The following C2orf76 variants were observed in gnomAD, a reference collection of about 807,000 sequenced individuals.
C2orf76 encodes the protein UPF0538 protein C2orf76.
Under a neutral mutation model 16.9 loss-of-function variants are expected in C2orf76, and 23 were observed. That is an observed-to-expected ratio of 1.36 (90% CI 0.98 to 1.93). The LOEUF is 1.93. Among genes scored for constraint, C2orf76 ranks in the 30% most tolerant of loss-of-function variants. The probability of loss-of-function intolerance (pLI) is 0.00; values close to 1 mark genes in which losing one functional copy is unlikely to be tolerated. For synonymous variants in C2orf76, 48 were observed against 52.3 expected, an observed-to-expected ratio of 0.92 and a Z score of 0.35; for missense variants, 152 against 152.6, an observed-to-expected ratio of 1.00 and a Z score of 0.02.
intron 4 of C2orf76, among the ~76,000 whole-genome samples, chr2:119,312,635 T>C (rs572152246): frequency 6.6e-6 from 1 of 152,186 alleles, no homozygotes; most frequent in African/African-American, 2.4e-5. Context: ...TCACATTAAT[T>C]GGAATATTTC....
chr2:119,350,910 G>A lies in C2orf76; in HGVS notation c.-12-10939C>T, dbSNP rs567832598. ...ACCACACATAAAAGCTCAGAGCCGAGCATCCAGATAAGCACAAAACACCCA... is the reference window on the plus strand; with the variant it reads ...ACCACACATAAAAGCTCAGAGCCGAACATCCAGATAAGCACAAAACACCCA... On this transcript the variant is annotated intron_variant, in intron 1 of 5. Transcript: ENST00000334816. Among the ~76,000 whole-genome samples, 53 of 152,248 alleles carry A rather than the reference G, an allele frequency of 3.5e-4. No individual in the cohort carries two copies. In the South Asian group the frequency reaches 7.1e-3, roughly 20 times the overall value.
chr2:119,315,181 T>TAC (rs1679127189), intron 4 of C2orf76, among the ~76,000 whole-genome samples: 1 of 151,656 alleles, frequency 6.6e-6, no homozygotes, highest in Admixed American at 6.6e-5. Context: ...CCATCCATAA[T>TAC]ACACACACAC....
rs529174683 is a variant in C2orf76, at chr2:119,324,519, C to T, written c.134-3315G>A. On this transcript the variant is annotated intron_variant, in intron 2 of 5. Coordinates refer to ENST00000334816, the MANE Select transcript of C2orf76 (RefSeq NM_001322331.2). Reference sequence around the variant, plus strand: ...CATAACAAATTATCACAAACTGCTTCCATGAGGGCAGGGACCACAGCCTGT... The same window carrying T: ...CATAACAAATTATCACAAACTGCTTTCATGAGGGCAGGGACCACAGCCTGT... Among the ~76,000 whole-genome samples, 9 of 152,316 alleles carry T rather than the reference C, an allele frequency of 5.9e-5. No homozygotes were observed. The South Asian group carries it at 1.9e-3, about 32-fold the overall frequency.
upstream of C2orf76, chr2:119,366,921 G>T (rs1268350942): frequency 2.5e-6 from 3 of 1,195,238 alleles, no homozygotes; most frequent in Non-Finnish European, 2.4e-6. Flanking sequence ...TTGGCTTTCC[G>T]GTGCTCGCCC....
Position 119,302,513 on chromosome 2 carries a change from C to A in C2orf76, c.340G>T (p.Asp114Tyr). The change falls in exon 6 of 6, where the codon GAT (aspartate) becomes TAT (tyrosine). Residue 114 changes from aspartate (D) to tyrosine (Y), a missense_variant. Coordinates refer to ENST00000334816, the MANE Select transcript of C2orf76 (RefSeq NM_001322331.2). ...ETEIAFFCEE[D>Y]YKNYKANPIS... ...GGATTAGCTTTGTAGTTCTTATAAT[C>A]TTCTTCACAGAAGAATGCAATTTCA... 1 of 1,511,458 alleles carries A rather than the reference C, an allele frequency of 6.6e-7. No homozygotes were observed. The highest frequency in any genetic ancestry group is 9.0e-7 in the Non-Finnish European group (1 of 1,115,400). The allele number at this position is 1,511,458 out of a possible 1,614,324, so 93.6% of individuals were successfully genotyped here. A position where few individuals can be genotyped will look rare whatever the true frequency, so the allele number is the denominator to read the frequency against.
chr2:119,318,124 G>T, intron 3 of C2orf76, among the ~76,000 whole-genome samples: 1 of 152,122 alleles, frequency 6.6e-6, no homozygotes, highest in African/African-American at 2.4e-5. Flanking sequence ...TGTTTATCTT[G>T]AAGTCAGGCT....
At chr2:119,313,975 T>G (rs1679079932) in intron 4 of C2orf76, among the ~76,000 whole-genome samples, 1 of 150,460 alleles carries the variant, frequency 6.6e-6, no homozygotes, top group Non-Finnish European at 1.5e-5. Flanking sequence ...GTTAGAAAAA[T>G]TTCCCCCACT....
chr2:119,333,301 A>T (rs566046162), intron 2 of C2orf76, among the ~76,000 whole-genome samples: 1 of 152,340 alleles, frequency 6.6e-6, no homozygotes, highest in African/African-American at 2.4e-5. Context: ...GAAAAATCAC[A>T]ATTTTTCAAC....
intron 2 of C2orf76, among the ~76,000 whole-genome samples, chr2:119,335,627 G>A (rs1679823557): frequency 1.3e-5 from 2 of 152,222 alleles, no homozygotes; most frequent in African/African-American, 4.8e-5. Context: ...GTGTTTAACT[G>A]TGATATGAAT....
intron 1 of C2orf76, among the ~76,000 whole-genome samples, chr2:119,345,501 A>G (rs1680168628): frequency 6.6e-6 from 1 of 152,184 alleles, no homozygotes; most frequent in African/African-American, 2.4e-5. Flanking sequence ...TTTTCTAACA[A>G]TTCACCCTGA....
chr2:119,356,555 A>C (rs185351646), intron 1 of C2orf76, among the ~76,000 whole-genome samples: 1 of 152,136 alleles, frequency 6.6e-6, no homozygotes, highest in Non-Finnish European at 1.5e-5. Context: ...AATGAGAAAA[A>C]GTCTCAAGTC....
intron 1 of C2orf76, among the ~76,000 whole-genome samples, chr2:119,347,279 G>T (rs751270156): frequency 1.3e-5 from 2 of 152,134 alleles, no homozygotes; most frequent in African/African-American, 2.4e-5. Flanking sequence ...CTGGAAAAAT[G>T]ACTCGATTTC....
At chr2:119,327,627 C>A (rs994057890) in intron 2 of C2orf76, among the ~76,000 whole-genome samples, 1 of 152,082 alleles carries the variant, frequency 6.6e-6, no homozygotes, top group Admixed American at 6.5e-5. Context: ...CTCTCTCTCT[C>A]TTGCTTCCTC....
intron 1 of C2orf76, among the ~76,000 whole-genome samples, chr2:119,356,803 G>T (rs1023354609): frequency 6.6e-6 from 1 of 151,924 alleles, no homozygotes; most frequent in Non-Finnish European, 1.5e-5. Flanking sequence ...TATTGGGAAT[G>T]AAATGGAGGA....
chr2:119,285,446 C>A, the C2orf76 span, among the ~76,000 whole-genome samples: 5,530 of 152,290 alleles, frequency 0.036, 323 homozygotes, highest in African/African-American at 0.13. Flanking sequence ...GAATTGGCCC[C>A]AGTGGGGCTT....
At chr2:119,311,004 C>T in intron 5 of C2orf76, 2 of 326,130 alleles carry the variant, frequency 6.1e-6, no homozygotes, top group Non-Finnish European at 8.8e-6. Flanking sequence ...ATCTCCACTC[C>T]CTCTCCTGCC....
At chr2:119,334,004 T>A (rs1679758236) in intron 2 of C2orf76, among the ~76,000 whole-genome samples, 1 of 152,072 alleles carries the variant, frequency 6.6e-6, no homozygotes, top group Non-Finnish European at 1.5e-5. Context: ...TGTTGTCCAG[T>A]CTGGGCTCAA....
chr2:119,282,843 G>A, the C2orf76 span, among the ~76,000 whole-genome samples: 1 of 152,206 alleles, frequency 6.6e-6, no homozygotes, highest in African/African-American at 2.4e-5. Flanking sequence ...GTGATGAAAT[G>A]GGCAATCGGG....
At chr2:119,366,834 CGGT>C, upstream of C2orf76, 1 of 608,308 alleles carries the variant, frequency 1.6e-6, no homozygotes, top group Non-Finnish European at 2.9e-6. Context: ...TTTGCGCAAG[CGGT>C]CCCACGTGGG....
Sources: gnomAD v4.1 joint callset for allele counts (sites outside exome capture counted in the v4.1 genomes callset) on GRCh38, gnomAD v4.1.1 for gene constraint, MANE v1.5 for transcripts, NCBI Gene and HGNC (gene_info 2026-07-23, HGNC 2026-07-21) for gene names.